Variants in CACNA2D3 observed in about 807,000 individuals in gnomAD.
The protein encoded by CACNA2D3 is calcium voltage-gated channel auxiliary subunit alpha2delta 3, also known as voltage-dependent calcium channel subunit alpha-2/delta-3.
A neutral mutation model predicts 160.6 loss-of-function variants in CACNA2D3; 60 were observed. The observed-to-expected ratio is 0.37, with a 90% CI of 0.30 to 0.46. CACNA2D3 has a LOEUF of 0.46. Among genes scored for constraint, CACNA2D3 ranks in the 20% least tolerant of loss-of-function variants. The probability of loss-of-function intolerance (pLI) is 1.00; values close to 1 mark genes in which losing one functional copy is unlikely to be tolerated. For missense variants in CACNA2D3, 1,205 were observed against 1,365.0 expected (o/e 0.88, Z 1.85); for synonymous variants, 558 against 492.9 (o/e 1.13, Z -1.75).
chr3:54,172,685 A>T (rs766131791), intron 2 of CACNA2D3, among the ~76,000 whole-genome samples: 8 of 152,214 alleles, frequency 5.3e-5, no homozygotes, highest in Non-Finnish European at 1.0e-4. Context: ...TGCCCATTTC[A>T]TATGATTCAA....
chr3:54,215,939 G>A (rs1355336634), intron 2 of CACNA2D3, among the ~76,000 whole-genome samples: 3 of 151,422 alleles, frequency 2.0e-5, no homozygotes, highest in Non-Finnish European at 2.9e-5. Flanking sequence ...GATCGTGATT[G>A]TGGAAGGTAT....
At chr3:54,944,814 G>T (rs10630354) in intron 27 of CACNA2D3, among the ~76,000 whole-genome samples, 2,677 of 111,424 alleles carry the variant, frequency 0.024, 49 homozygotes, top group South Asian at 0.045. Flanking sequence ...TAGAGCTGGG[G>T]GTGTGTGTGT....
intron 9 of CACNA2D3, among the ~76,000 whole-genome samples, chr3:54,608,172 CA>C (rs1446313325): frequency 2.6e-5 from 4 of 152,078 alleles, no homozygotes; most frequent in Admixed American, 6.5e-5. Context: ...TGGTGAAATC[CA>C]AATGAAGTCT....
At chr3:54,676,876 C>G (rs937665682) in intron 11 of CACNA2D3, among the ~76,000 whole-genome samples, 2 of 152,128 alleles carry the variant, frequency 1.3e-5, no homozygotes, top group African/African-American at 4.8e-5. Context: ...ACTTTGACCC[C>G]CCAAAACAAC....
At chr3:54,471,889 T>G (rs1418656219) in intron 4 of CACNA2D3, among the ~76,000 whole-genome samples, 1 of 152,078 alleles carries the variant, frequency 6.6e-6, no homozygotes, top group African/African-American at 2.4e-5. Context: ...TAACAAGTTC[T>G]GAAATTGAGG....
chr3:54,544,432 C>A (rs1702029510), intron 5 of CACNA2D3, among the ~76,000 whole-genome samples: 1 of 150,696 alleles, frequency 6.6e-6, no homozygotes. Flanking sequence ...GATACAGGGT[C>A]ATATTCTGTT....
intron 2 of CACNA2D3, among the ~76,000 whole-genome samples, chr3:54,188,815 G>C (rs1700929360): frequency 6.6e-6 from 1 of 152,140 alleles, no homozygotes; most frequent in East Asian, 1.9e-4. Flanking sequence ...CATTAGAATG[G>C]CATTAGTGGT....
chr3:54,165,668 C>T (rs998862872), intron 2 of CACNA2D3, among the ~76,000 whole-genome samples: 20 of 151,414 alleles, frequency 1.3e-4, no homozygotes, highest in African/African-American at 2.7e-4. Flanking sequence ...CCAGCTACTC[C>T]GGAGGCTGAG....
chr3:54,206,978 A>G (rs193118725), intron 2 of CACNA2D3, among the ~76,000 whole-genome samples: 91 of 152,288 alleles, frequency 6.0e-4, no homozygotes, highest in African/African-American at 2.0e-3. Context: ...GGGACTTCCT[A>G]TAGCCCCTGA....
At chr3:54,537,259 T>G (rs888629638) in intron 5 of CACNA2D3, among the ~76,000 whole-genome samples, 10 of 152,178 alleles carry the variant, frequency 6.6e-5, no homozygotes, top group South Asian at 2.1e-4. Context: ...GCACACTGAC[T>G]CTGAGGGCAG....
chr3:54,549,475 A>C (rs961343945), intron 5 of CACNA2D3, among the ~76,000 whole-genome samples: 9 of 152,122 alleles, frequency 5.9e-5, no homozygotes, highest in African/African-American at 1.9e-4. Flanking sequence ...AACAAACAAA[A>C]AAACAAACAA....
rs767280832 is a variant in CACNA2D3 at position 54,464,744 on chromosome 3, C to T, written c.382-38748C>T. ...GCGCTTCCTGAGTGAGGCAATGCCT[C>T]GCCGTGCTTCGGCTAGCGCACGGTG... On this transcript the variant is annotated intron_variant, in intron 4 of 37. Transcript: ENST00000474759. Among the ~76,000 whole-genome samples, 25 of 152,352 alleles carry T rather than the reference C, an allele frequency of 1.6e-4. 2 individuals are homozygous for T. The highest frequency in any genetic ancestry group is 9.8e-4 in the Admixed American group (15 of 15,310).
intron 27 of CACNA2D3, among the ~76,000 whole-genome samples, chr3:54,901,777 CT>C (rs1293086602): frequency 6.6e-6 from 1 of 152,164 alleles, no homozygotes; most frequent in Non-Finnish European, 1.5e-5. Flanking sequence ...AACAGAATTG[CT>C]TGGTTTTGAT....
At chr3:54,626,158 T>C in intron 9 of CACNA2D3, 2 of 653,044 alleles carry the variant, frequency 3.1e-6, no homozygotes, top group Non-Finnish European at 5.6e-6. Context: ...GCAAGGGGAG[T>C]CTCACGATAA....
At chr3:54,573,045 GA>G (rs202222152) in intron 8 of CACNA2D3, among the ~76,000 whole-genome samples, 6 of 151,984 alleles carry the variant, frequency 3.9e-5, no homozygotes, top group South Asian at 2.1e-4. Context: ...GAAGAGTTAA[GA>G]AAAAAAATTT....
In CACNA2D3 at chr3:54,309,914, C is replaced by G. The variant is rs7613156; in HGVS notation, c.205-10528C>G. On this transcript the variant is annotated intron_variant, in intron 2 of 37. Coordinates refer to ENST00000474759, the MANE Select transcript of CACNA2D3 (RefSeq NM_018398.3). ...GTAGGGGCTGAGCCACTCCCTGCAT[C>G]CTCTCTGCTTCCTCTCTGCTTGCAG... Among the ~76,000 whole-genome samples the G allele has an allele frequency of 3.3e-3, 496 of 152,036 alleles. 5 individuals are homozygous for G. The highest frequency in any genetic ancestry group is 0.011 in the African/African-American group (469 of 41,500).
intron 5 of CACNA2D3, among the ~76,000 whole-genome samples, chr3:54,516,089 G>T (rs964797944): frequency 6.6e-6 from 1 of 152,198 alleles, no homozygotes; most frequent in Non-Finnish European, 1.5e-5. Context: ...TTGGGCCAGG[G>T]GTTCCTTGTA....
intron 27 of CACNA2D3, among the ~76,000 whole-genome samples, chr3:54,936,851 A>G (rs753328354): frequency 4.6e-5 from 7 of 152,168 alleles, no homozygotes; most frequent in Non-Finnish European, 1.0e-4. Context: ...AAGCTCCTTC[A>G]TGTGTTGTCA....
intron 2 of CACNA2D3, among the ~76,000 whole-genome samples, chr3:54,229,138 T>C (rs1049914108): frequency 6.6e-6 from 1 of 152,224 alleles, no homozygotes; most frequent in African/African-American, 2.4e-5. Context: ...CCTTGATCTT[T>C]GTAAGGCCTC....
Sources: gnomAD v4.1 joint callset for allele counts (sites outside exome capture counted in the v4.1 genomes callset) on GRCh38, gnomAD v4.1.1 for gene constraint, MANE v1.5 for transcripts, NCBI Gene and HGNC (gene_info 2026-07-23, HGNC 2026-07-21) for gene names.